RNLS: variants seen among roughly 807,000 people sequenced by gnomAD.
RNLS encodes the protein renalase.
Under a neutral mutation model 39.8 loss-of-function variants are expected in RNLS, and 39 were observed. That is an observed-to-expected ratio of 0.98 (90% CI 0.76 to 1.28). The LOEUF (loss-of-function observed/expected upper bound fraction) is 1.28, where lower values mean the gene tolerates loss of function less well. Ranked by LOEUF, RNLS falls within the 50% of genes most tolerant of loss-of-function variation. The pLI is 0.00. For missense variants in RNLS, 410 were observed against 413.3 expected, an observed-to-expected ratio of 0.99 and a Z score of 0.07; for synonymous variants, 147 against 150.7, an observed-to-expected ratio of 0.98 and a Z score of 0.18.
intron 4 of RNLS, among the ~76,000 whole-genome samples, chr10:88,498,467 T>G (rs1589900209): frequency 1.3e-5 from 2 of 150,862 alleles, no homozygotes; most frequent in South Asian, 4.2e-4. Context: ...TATGTGCTCC[T>G]GAAGCAGAAA....
intron 4 of RNLS, among the ~76,000 whole-genome samples, chr10:88,452,521 G>A (rs1454571021): frequency 6.6e-6 from 1 of 151,314 alleles, no homozygotes; most frequent in Non-Finnish European, 1.5e-5. Flanking sequence ...GTCCCCAGTA[G>A]GAATAAAACA....
intron 6 of RNLS, among the ~76,000 whole-genome samples, chr10:88,289,011 C>T (rs1843484745): frequency 6.6e-6 from 1 of 152,142 alleles, no homozygotes; most frequent in South Asian, 2.1e-4. Flanking sequence ...GATGTCAGGG[C>T]TGAAACAACC....
intron 4 of RNLS, among the ~76,000 whole-genome samples, chr10:88,538,324 A>G (rs1445148065): frequency 6.6e-6 from 1 of 152,158 alleles, no homozygotes; most frequent in East Asian, 1.9e-4. Context: ...AGAAGAGATG[A>G]CCAGAACAGC....
intron 4 of RNLS, among the ~76,000 whole-genome samples, chr10:88,447,743 C>G (rs1437081884): frequency 2.0e-5 from 3 of 152,124 alleles, no homozygotes; most frequent in African/African-American, 7.2e-5. Flanking sequence ...CATCATGCTA[C>G]CTGACTTCAA....
At chr10:88,226,017 G>T in the RNLS span, among the ~76,000 whole-genome samples, 1 of 152,022 alleles carries the variant, frequency 6.6e-6, no homozygotes, top group Non-Finnish European at 1.5e-5. Flanking sequence ...CAATGAAAGA[G>T]ACAGAAAATT....
rs557948891 is a variant in RNLS, at chr10:88,404,304, C to T, written c.527-41579G>A. On this transcript the variant is annotated intron_variant, in intron 4 of 6. Transcript: ENST00000331772. ...TCTTGGTTTCAATCCTGCCTCTGTT[C>T]CCAAGAATCTTTGTGACCTGGGACA... Among the ~76,000 whole-genome samples, 10 of 152,154 alleles carry T rather than the reference C, an allele frequency of 6.6e-5. No individual in the cohort carries two copies. In the East Asian group the frequency reaches 1.7e-3, roughly 27 times the overall value.
chr10:88,460,636 A>C (rs1842893706), intron 4 of RNLS, among the ~76,000 whole-genome samples: 1 of 152,188 alleles, frequency 6.6e-6, no homozygotes, highest in Admixed American at 6.6e-5. Flanking sequence ...TGCCTACTAC[A>C]GTGCCTGGCA....
At chr10:88,497,028 A>G (rs1236906030) in intron 4 of RNLS, among the ~76,000 whole-genome samples, 4 of 152,130 alleles carry the variant, frequency 2.6e-5, no homozygotes, top group African/African-American at 9.7e-5. Context: ...GAGAAAAATG[A>G]ACACATTATG....
chr10:88,579,317 A>T (rs1850391024), intron 3 of RNLS, among the ~76,000 whole-genome samples: 1 of 152,194 alleles, frequency 6.6e-6, no homozygotes, highest in Non-Finnish European at 1.5e-5. Context: ...CAAACACGGT[A>T]GGTCAGATAA....
intron 4 of RNLS, among the ~76,000 whole-genome samples, chr10:88,400,675 C>T (rs569663832): frequency 5.3e-5 from 8 of 152,078 alleles, no homozygotes; most frequent in African/African-American, 1.9e-4. Context: ...CGGGGCTTGA[C>T]ATATAAAATA....
chr10:88,562,515 C>T (rs1251602766), intron 4 of RNLS, among the ~76,000 whole-genome samples: 1 of 152,014 alleles, frequency 6.6e-6, no homozygotes, highest in Non-Finnish European at 1.5e-5. Flanking sequence ...CATCAGTTAG[C>T]TCTGGGGAAT....
rs770939246 is a variant in RNLS at position 88,582,254 on chromosome 10, A to C, written c.172T>G (p.Leu58Val). ...GTGCAGGTGATGTACTGAGCACCCA[A>C]GTCAGCTGTGCACTGAGGATTATGA... ...SPHNPQCTAD[L>V]GAQYITCTPH... is the part of the protein sequence containing the mutation. The change falls in exon 2 of 7, where the codon TTG (leucine) becomes GTG (valine). Residue 58 changes from leucine to valine, a missense_variant. Transcript: ENST00000331772. 8 of 1,614,110 alleles carry C rather than the reference A, an allele frequency of 5.0e-6. No homozygotes were observed. Among genetic ancestry groups the C allele is most frequent in the Non-Finnish European group, 6.8e-6 (8 of 1,179,988 alleles).
At chr10:88,278,587 C>T (rs1392628688) in intron 6 of RNLS, among the ~76,000 whole-genome samples, 1 of 152,126 alleles carries the variant, frequency 6.6e-6, no homozygotes. Flanking sequence ...TTCCCCTCCC[C>T]TCTCCCACGC....
At chr10:88,451,596 C>T (rs977845683) in intron 4 of RNLS, among the ~76,000 whole-genome samples, 7 of 152,106 alleles carry the variant, frequency 4.6e-5, no homozygotes, top group Non-Finnish European at 8.8e-5. Context: ...TCATATATCT[C>T]CCACAATATC....
chr10:88,283,509 T>C (rs575890306), downstream of RNLS, among the ~76,000 whole-genome samples: 1 of 152,266 alleles, frequency 6.6e-6, no homozygotes, highest in African/African-American at 2.4e-5. Context: ...TCCTGAATTA[T>C]ATTTGTTAAA....
intron 5 of RNLS, among the ~76,000 whole-genome samples, chr10:88,327,730 T>C (rs1031266601): frequency 5.3e-5 from 8 of 152,170 alleles, no homozygotes; most frequent in Admixed American, 1.3e-4. Flanking sequence ...AGGTATTGAA[T>C]TGACATTTTG....
chr10:88,298,880 C>A (rs7906629), intron 6 of RNLS, among the ~76,000 whole-genome samples: 105,326 of 152,020 alleles, frequency 0.69, 37,374 homozygotes, highest in East Asian at 0.98. Flanking sequence ...TTTGATAGAG[C>A]CTGAAACGAG....
chr10:88,421,739 G>T (rs1452359932), intron 4 of RNLS, among the ~76,000 whole-genome samples: 2 of 152,036 alleles, frequency 1.3e-5, no homozygotes. Context: ...TTATATCATG[G>T]CATTTAAGGT....
intron 4 of RNLS, among the ~76,000 whole-genome samples, chr10:88,480,093 C>A (rs1844068189): frequency 6.6e-6 from 1 of 152,146 alleles, no homozygotes. Flanking sequence ...GCCAGAACTT[C>A]ATCTAATTTG....
Sources: gnomAD v4.1 joint callset for allele counts (sites outside exome capture counted in the v4.1 genomes callset) on GRCh38, gnomAD v4.1.1 for gene constraint, MANE v1.5 for transcripts, NCBI Gene and HGNC (gene_info 2026-07-23, HGNC 2026-07-21) for gene names.